TBC1D23: variants seen among roughly 807,000 people sequenced by gnomAD.
The protein encoded by TBC1D23 is TBC1 domain family member 23.
In TBC1D23, 55 loss-of-function variants were observed where a neutral mutation model predicts 91.4. The ratio of observed to expected loss-of-function variants is 0.60; its 90% CI spans 0.48 to 0.75. The LOEUF is 0.75. Among genes scored for constraint, TBC1D23 ranks in the 30% least tolerant of loss-of-function variants. The pLI, the probability that TBC1D23 is intolerant of heterozygous loss-of-function variation, is 0.00. For missense variants in TBC1D23, 725 were observed against 836.1 expected, an observed-to-expected ratio of 0.87 and a Z score of 1.64; for synonymous variants, 289 against 281.0, an observed-to-expected ratio of 1.03 and a Z score of -0.28.
intron 2 of TBC1D23, among the ~76,000 whole-genome samples, chr3:100,281,136 T>G: frequency 6.6e-6 from 1 of 152,208 alleles, no homozygotes; most frequent in Admixed American, 6.5e-5. Context: ...TGCTCCAGCC[T>G]GAGCAAGAGA....
At chr3:100,289,774 G>A (rs68094410) in intron 4 of TBC1D23, among the ~76,000 whole-genome samples, 35,440 of 152,000 alleles carry the variant, frequency 0.23, 4,609 homozygotes, top group East Asian at 0.49. Context: ...TTTATTCTAG[G>A]TTTAGGGGTA....
intron 4 of TBC1D23, among the ~76,000 whole-genome samples, chr3:100,285,001 A>AT (rs974796311): frequency 6.6e-6 from 1 of 151,986 alleles, no homozygotes; most frequent in Non-Finnish European, 1.5e-5. Flanking sequence ...ACTGACTCTT[A>AT]TTTTTTACTA....
At chr3:100,316,076 C>T (rs756397446) in intron 15 of TBC1D23, 23 bp from the exon 16 acceptor site, 5 of 1,558,334 alleles carry the variant, frequency 3.2e-6, no homozygotes, top group Non-Finnish European at 4.4e-6. Flanking sequence ...GATTATTTCT[C>T]TCCTAAAATT....
intron 1 of TBC1D23, among the ~76,000 whole-genome samples, chr3:100,262,825 G>A (rs2067524606): frequency 6.7e-6 from 1 of 149,602 alleles, no homozygotes; most frequent in Admixed American, 6.7e-5. Flanking sequence ...TAAAAAATTA[G>A]ATAATTGTAC....
At position 100,310,514 on chromosome 3, in the gene TBC1D23, A is replaced by T; in HGVS notation, c.1525A>T (p.Ile509Leu). 3 of 1,613,644 alleles carry T rather than the reference A, an allele frequency of 1.9e-6. No individual in the cohort carries two copies. Among genetic ancestry groups the T allele is most frequent in the Non-Finnish European group, 1.7e-6 (2 of 1,179,726 alleles). The change falls in exon 14 of 19, where the codon ATA (isoleucine) becomes TTA (leucine). Residue 509 changes from isoleucine (I) to leucine (L), a missense_variant. Ile to Leu is a conservative substitution (Grantham distance 5). Transcript: ENST00000394144. The stretch of plus-strand genomic sequence containing the variant: ...TGTCAGGGAAAAAGTTATCAGTTTT[A>T]TAGAGAATACATCAACTCCTGTGGA... ...VNVREKVISF[I>L]ENTSTPVDRM...
chr3:100,289,113 T>C (rs1346252596), intron 4 of TBC1D23, among the ~76,000 whole-genome samples: 1 of 151,718 alleles, frequency 6.6e-6, no homozygotes, highest in Non-Finnish European at 1.5e-5. Context: ...CTTGGGAGGC[T>C]GAGGTGGGAG....
At position 100,324,847 on chromosome 3, in the gene TBC1D23, C is replaced by T. The variant is rs971433439; in HGVS notation, c.*1179C>T. 6.6e-6 allele frequency: 1 copy of T among 152,046 alleles called. No homozygotes were observed. The highest frequency in any genetic ancestry group is 2.4e-5 in the African/African-American group (1 of 41,386). The allele number at this position is 152,046 out of a possible 1,614,324, so 9.4% of individuals were successfully genotyped here. ...TGCAATACCCACAATCTGACATGTC[C>T]TAAAATGTAAGGGATTATCTCTAAG... On this transcript the variant is annotated 3_prime_UTR_variant, in exon 19 of 19. Coordinates refer to ENST00000394144, the MANE Select transcript of TBC1D23 (RefSeq NM_001199198.3).
At position 100,310,408 on chromosome 3, in the gene TBC1D23, A is replaced by G. The variant is rs770556809; in HGVS notation, c.1419A>G (p.Glu473=). 22 of 1,609,128 alleles carry G rather than the reference A, an allele frequency of 1.4e-5. No individual in the cohort carries two copies. The highest frequency in any genetic ancestry group is 1.1e-4 in the African/African-American group (8 of 74,512). The change falls in exon 14 of 19, where the codon GAA becomes GAG. Residue 473 remains glutamate (E), a synonymous_variant. Coordinates refer to ENST00000394144, the MANE Select transcript of TBC1D23 (RefSeq NM_001199198.3). The part of the protein sequence containing the change: ...SRSSINSVDG[E]SPNGSSDRGM... ...CCATTATGTTCTTTTTTTAGGGTGA[A>G]TCTCCTAATGGCTCAAGTGATAGAG...
Position 100,281,861 on chromosome 3 carries a change from T to A in TBC1D23, c.271+14T>A, listed in dbSNP as rs2148854866. 6.5e-7 allele frequency: 1 copy of A among 1,534,174 alleles called. No homozygotes were observed. On this transcript the variant is annotated intron_variant, in intron 3 of 18. Coordinates refer to ENST00000394144, the MANE Select transcript of TBC1D23 (RefSeq NM_001199198.3). ...TGCAGTTTATTGGTAAGCTGAATAA[T>A]CACTTTCAAGCAGAGTTAAATTTTG...
intron 2 of TBC1D23, among the ~76,000 whole-genome samples, chr3:100,281,064 G>T (rs569583160): frequency 6.6e-6 from 1 of 152,126 alleles, no homozygotes; most frequent in African/African-American, 2.4e-5. Flanking sequence ...GGAGGCTGAG[G>T]CAGGAGAATC....
At position 100,281,808 on chromosome 3, in the gene TBC1D23, G is replaced by A. The variant is rs751056630; in HGVS notation, c.232G>A (p.Glu78Lys). ...ASWDGILDLP[E>K]QNTIHKDCLQ... ...ATGGGATGGTATTTTAGACTTGCCA[G>A]AACAGAACACTATTCACAAAGATTG... The change falls in exon 3 of 19, where the codon GAA becomes AAA. Residue 78 changes from glutamate to lysine, a missense_variant. Physicochemically the swap from Glu to Lys is moderately conservative, Grantham distance 56 (BLOSUM62 1). Coordinates refer to ENST00000394144, the MANE Select transcript of TBC1D23 (RefSeq NM_001199198.3). The A allele has an allele frequency of 9.3e-6, 15 of 1,612,094 alleles. No individual in the cohort carries two copies. In the East Asian group the frequency reaches 3.4e-4, roughly 36 times the overall value.
chr3:100,274,895 C>CA (rs148882742), intron 1 of TBC1D23, among the ~76,000 whole-genome samples: 39 of 72,428 alleles, frequency 5.4e-4, no homozygotes, highest in East Asian at 3.3e-3. Context: ...ACAGTACACA[C>CA]CCCCCCCCTT....
intron 8 of TBC1D23, 75 bp downstream of exon 8, chr3:100,296,350 A>T: frequency 2.3e-6 from 2 of 856,156 alleles, no homozygotes; most frequent in Non-Finnish European, 3.6e-6. Flanking sequence ...TATTCACTTT[A>T]GTTAAAATAG....
chr3:100,300,744 C>T (rs939868410), intron 10 of TBC1D23, among the ~76,000 whole-genome samples: 2 of 152,102 alleles, frequency 1.3e-5, no homozygotes, highest in African/African-American at 2.4e-5. Flanking sequence ...AAGTGATCTG[C>T]CCACCTTGGC....
chr3:100,302,351 A>T, intron 11 of TBC1D23, 114 bp downstream of exon 11: 1 of 844,036 alleles, frequency 1.2e-6, no homozygotes, highest in Non-Finnish European at 1.7e-6. Context: ...TGGTTTTGTG[A>T]CTTGTTAAGG....
chr3:100,319,915 C>T (rs910220337), intron 17 of TBC1D23, among the ~76,000 whole-genome samples: 1 of 152,150 alleles, frequency 6.6e-6, no homozygotes, highest in South Asian at 2.1e-4. Context: ...TCCTGCACAA[C>T]TTCAATGCCA....
Position 100,323,582 on chromosome 3 carries a change from C to A in TBC1D23, c.2019-5C>A. The A allele has an allele frequency of 6.9e-7, 1 of 1,453,002 alleles. No individual in the cohort carries two copies. 90.0% of individuals were successfully genotyped at this position (1,453,002 alleles called of 1,614,324 possible). A position where few individuals can be genotyped will look rare whatever the true frequency, so the allele number is the denominator to read the frequency against. On this transcript the variant is annotated splice_region_variant and splice_polypyrimidine_tract_variant and intron_variant, in intron 18 of 18. Coordinates refer to ENST00000394144, the MANE Select transcript of TBC1D23 (RefSeq NM_001199198.3). Reference sequence around the variant, plus strand: ...GTATATATATGTATTTTTTTTCCCCCTTAGGTATTTGATTCCAAATGCAGG... The same window carrying A: ...GTATATATATGTATTTTTTTTCCCCATTAGGTATTTGATTCCAAATGCAGG...
At chr3:100,279,993 G>C (rs1408080630) in intron 2 of TBC1D23, among the ~76,000 whole-genome samples, 2 of 152,082 alleles carry the variant, frequency 1.3e-5, no homozygotes, top group African/African-American at 4.8e-5. Flanking sequence ...ATTAGAAATG[G>C]TGTTTATGGG....
chr3:100,318,845 G>T (rs1322252782), intron 16 of TBC1D23, among the ~76,000 whole-genome samples: 1 of 151,866 alleles, frequency 6.6e-6, no homozygotes. Context: ...TAGAGATGGG[G>T]TTTCACCATG....
Sources: gnomAD v4.1 joint callset for allele counts (sites outside exome capture counted in the v4.1 genomes callset) on GRCh38, gnomAD v4.1.1 for gene constraint, MANE v1.5 for transcripts, NCBI Gene and HGNC (gene_info 2026-07-23, HGNC 2026-07-21) for gene names.